Variants in IPO8 observed in about 807,000 individuals in gnomAD.
IPO8 encodes the protein importin-8.
IPO8 carries 65 observed loss-of-function variants against 141.2 expected under a neutral mutation model. The ratio of observed to expected loss-of-function variants is 0.46; its 90% CI spans 0.38 to 0.57. The LOEUF (loss-of-function observed/expected upper bound fraction) is 0.57, where lower values mean the gene tolerates loss of function less well. IPO8 is among the 20% of genes least tolerant of loss of function. The pLI is 0.00. For synonymous variants in IPO8, 411 were observed against 420.3 expected (o/e 0.98, Z 0.27); for missense variants, 980 against 1,246.8 (o/e 0.79, Z 3.22).
chr12:30,654,689 A>G (rs2052774279), intron 17 of IPO8, among the ~76,000 whole-genome samples: 1 of 152,138 alleles, frequency 6.6e-6, no homozygotes, highest in Non-Finnish European at 1.5e-5. Flanking sequence ...GTCTATTATC[A>G]AAAAGACGAA....
At chr12:30,659,306 A>C (rs1363059773) in intron 16 of IPO8, among the ~76,000 whole-genome samples, 1 of 151,984 alleles carries the variant, frequency 6.6e-6, no homozygotes. Flanking sequence ...CCAGACCAAC[A>C]TGGTGAAACC....
rs1360842043 is a variant in IPO8, at chr12:30,665,768, G to C, written c.1299C>G (p.Ala433=). The part of the protein sequence containing the change: ...PNFDPRKKDG[A]LHVIGSLAEI... Reference sequence around the variant, plus strand: ...CAGCTAGGGAACCAATCACATGCAGGGCTCCATCTTTCTTCCTAGGGTCAA... The same window carrying C: ...CAGCTAGGGAACCAATCACATGCAGCGCTCCATCTTTCTTCCTAGGGTCAA... Residue 433 remains alanine, a synonymous_variant, in exon 12 of 25, where the codon GCC becomes GCG. Coordinates refer to ENST00000256079, the MANE Select transcript of IPO8 (RefSeq NM_006390.4). 4 of 1,613,062 alleles carry C rather than the reference G, an allele frequency of 2.5e-6. No individual in the cohort carries two copies. Among genetic ancestry groups the C allele is most frequent in the Admixed American group, 3.3e-5 (2 of 59,932 alleles).
intron 2 of IPO8, 148 bp from the exon 3 acceptor site, chr12:30,684,605 G>A (rs2053221820): frequency 7.7e-6 from 5 of 645,502 alleles, no homozygotes; most frequent in Admixed American, 6.2e-5. Context: ...AGCCAAATCA[G>A]GAAGGGAAAG....
intron 16 of IPO8, among the ~76,000 whole-genome samples, chr12:30,660,078 C>G (rs1013160382): frequency 6.6e-6 from 1 of 151,824 alleles, no homozygotes; most frequent in African/African-American, 2.4e-5. Context: ...TAAAAATTAG[C>G]TGGGTGTGAT....
At chr12:30,674,104 A>G in intron 7 of IPO8, 30 bp from the exon 8 acceptor site, 1 of 1,353,570 alleles carries the variant, frequency 7.4e-7, no homozygotes, top group Non-Finnish European at 1.0e-6. Flanking sequence ...ATGTACAAAT[A>G]CCGTGAATTT....
Position 30,695,508 on chromosome 12 carries a change from C to G in IPO8, c.84+56G>C, listed in dbSNP as rs1011032995. Reference sequence around the variant, plus strand: ...GGGCGCCGGGGAGAGGGAGCCCGGCCAGCCGGCAGGGGCGCCCCTTCGGCG... The same window carrying G: ...GGGCGCCGGGGAGAGGGAGCCCGGCGAGCCGGCAGGGGCGCCCCTTCGGCG... On this transcript the variant is annotated intron_variant, in intron 1 of 24. Coordinates refer to ENST00000256079, the MANE Select transcript of IPO8 (RefSeq NM_006390.4). This position sits in a 1 kb window ranked among gnomAD's most constrained non-coding sequence, Gnocchi z 4.2. The G allele has an allele frequency of 9.8e-6, 15 of 1,525,220 alleles. No individual in the cohort carries two copies. In the Admixed American group the frequency reaches 2.4e-4, roughly 24 times the overall value. The allele number at this position is 1,525,220 out of a possible 1,614,324, so 94.5% of individuals were successfully genotyped here. A position where few individuals can be genotyped will look rare whatever the true frequency, so the allele number is the denominator to read the frequency against.
At chr12:30,667,263 C>T (rs2052979805) in intron 10 of IPO8, among the ~76,000 whole-genome samples, 1 of 152,160 alleles carries the variant, frequency 6.6e-6, no homozygotes, top group Non-Finnish European at 1.5e-5. Context: ...ATTATCATCA[C>T]CCGTTTGACA....
Position 30,684,491 on chromosome 12 carries a change from C to T in IPO8, c.167-34G>A, listed in dbSNP as rs1000713788. ...GAGAAAAAATGCTAATGTAGCAGTA[C>T]CAAAAAGGATGGCTTTAATTCAGCC... On this transcript the variant is annotated intron_variant, in intron 2 of 24. Transcript: ENST00000256079. 2.5e-6 allele frequency: 4 copies of T among 1,605,098 alleles called. No homozygotes were observed. The African/African-American group carries it at 4.0e-5, about 16-fold the overall frequency.
chr12:30,638,658 T>C (rs535952669), intron 21 of IPO8, among the ~76,000 whole-genome samples: 1 of 151,462 alleles, frequency 6.6e-6, no homozygotes, highest in African/African-American at 2.4e-5. Flanking sequence ...ATAACACTAG[T>C]TGGAATCTCA....
At chr12:30,647,114 A>G (rs1333508618) in intron 20 of IPO8, among the ~76,000 whole-genome samples, 1 of 152,200 alleles carries the variant, frequency 6.6e-6, no homozygotes, top group Non-Finnish European at 1.5e-5. Context: ...AAGAACAGAT[A>G]AGTACATAAA....
chr12:30,693,816 G>T (rs1218988842), intron 1 of IPO8, among the ~76,000 whole-genome samples: 3 of 152,134 alleles, frequency 2.0e-5, no homozygotes, highest in African/African-American at 7.2e-5. Context: ...GATGAGGTGG[G>T]ACACTATGGG....
chr12:30,676,709 C>A, intron 5 of IPO8, 122 bp from the exon 6 acceptor site: 1 of 807,766 alleles, frequency 1.2e-6, no homozygotes, highest in Non-Finnish European at 2.1e-6. Flanking sequence ...AAATAGCAAT[C>A]TTGTATGGTT....
intron 13 of IPO8, 52 bp from the exon 14 acceptor site, chr12:30,663,706 TA>T: frequency 7.4e-7 from 1 of 1,342,856 alleles, no homozygotes; most frequent in Non-Finnish European, 1.0e-6. Flanking sequence ...TAGCATTCTG[TA>T]ATAATATCAC....
At chr12:30,660,264 C>T (rs1452504137) in intron 16 of IPO8, among the ~76,000 whole-genome samples, 2 of 152,134 alleles carry the variant, frequency 1.3e-5, no homozygotes, top group Non-Finnish European at 2.9e-5. Flanking sequence ...GCACCTGCTT[C>T]CTAAGTGCTC....
intron 8 of IPO8, among the ~76,000 whole-genome samples, chr12:30,671,564 C>T (rs577132033): frequency 6.6e-6 from 1 of 150,422 alleles, no homozygotes; most frequent in South Asian, 2.1e-4. Flanking sequence ...GTCCCAGCTA[C>T]TGGGGAGGCT....
chr12:30,654,008 C>T (rs915298660), intron 17 of IPO8, among the ~76,000 whole-genome samples: 4 of 152,040 alleles, frequency 2.6e-5, no homozygotes, highest in Admixed American at 1.3e-4. Context: ...AACAGACACA[C>T]AGACCAATGG....
intron 10 of IPO8, among the ~76,000 whole-genome samples, chr12:30,666,923 A>T (rs2052974418): frequency 6.6e-6 from 1 of 152,200 alleles, no homozygotes; most frequent in African/African-American, 2.4e-5. Flanking sequence ...CTCTGTCGAT[A>T]CGTAAGTTCA....
chr12:30,662,313 C>T lies in IPO8; in HGVS notation c.1755+14G>A. The T allele has an allele frequency of 1.2e-6, 2 of 1,600,584 alleles. No homozygotes were observed. Among genetic ancestry groups the T allele is most frequent in the Non-Finnish European group, 1.7e-6 (2 of 1,173,904 alleles). ...GTTTCTAAACCAAATTAACATAAAA[C>T]TGCCCGGTCTTACCAAGTGTTGGGT... On this transcript the variant is annotated intron_variant, in intron 15 of 24. Coordinates refer to ENST00000256079, the MANE Select transcript of IPO8 (RefSeq NM_006390.4).
intron 16 of IPO8, among the ~76,000 whole-genome samples, chr12:30,658,912 GCT>G (rs1299814516): frequency 8.5e-6 from 1 of 117,234 alleles, no homozygotes; most frequent in Non-Finnish European, 1.6e-5. Flanking sequence ...ACAGAGTCTC[GCT>G]CTGTCCCCCA....
Sources: allele counts gnomAD v4.1 joint callset (sites outside exome capture counted in the v4.1 genomes callset), GRCh38; gene constraint gnomAD v4.1.1; non-coding constraint Gnocchi (gnomAD v3.1); transcripts MANE v1.5; gene names NCBI Gene and HGNC (gene_info 2026-07-23, HGNC 2026-07-21).